TRIM37: variants seen among roughly 807,000 people sequenced by gnomAD.
The protein encoded by TRIM37 is E3 ubiquitin-protein ligase TRIM37.
A neutral mutation model predicts 129.8 loss-of-function variants in TRIM37; 80 were observed. The ratio of observed to expected loss-of-function variants is 0.62; its 90% CI spans 0.51 to 0.74. The LOEUF (loss-of-function observed/expected upper bound fraction) is 0.74. TRIM37 is among the 30% of genes least tolerant of loss of function. The probability of loss-of-function intolerance (pLI) is 0.00; values close to 1 mark genes in which losing one functional copy is unlikely to be tolerated. For synonymous variants in TRIM37, 389 were observed against 387.1 expected (o/e 1.00, Z -0.06); for missense variants, 1,054 against 1,176.5 (o/e 0.90, Z 1.52).
chr17:58,984,196 T>C (rs916741785), intron 24 of TRIM37: 2 of 152,682 alleles, frequency 1.3e-5, no homozygotes, highest in Non-Finnish European at 2.9e-5. Context: ...CCAAGGACAA[T>C]GGCAACAATG....
At chr17:59,011,096 G>C (rs2035199868) in intron 22 of TRIM37, among the ~76,000 whole-genome samples, 1 of 151,794 alleles carries the variant, frequency 6.6e-6, no homozygotes, top group African/African-American at 2.4e-5. Flanking sequence ...TTGAACCCGG[G>C]AGTTGGAGGC....
chr17:58,979,958 A>G (rs758948828), downstream of TRIM37: 2 of 1,599,462 alleles, frequency 1.3e-6, no homozygotes, highest in Non-Finnish European at 8.5e-7. Flanking sequence ...ATGCCCCTAC[A>G]CTCTGCTTCC....
At position 59,032,066 on chromosome 17, in the gene TRIM37, G is replaced by A. The variant is rs968990375; in HGVS notation, c.1778C>T (p.Ser593Phe). 2 of 1,613,640 alleles carry A rather than the reference G, an allele frequency of 1.2e-6. No homozygotes were observed. The highest frequency in any genetic ancestry group is 2.7e-5 in the African/African-American group (2 of 74,826). ...TGTTCTTCTTGATATTCTACTACTG[G>A]AACCCACATAACCATGGCTACTACC... The part of the protein sequence containing the change: ...PAGSSHGYVG[S>F]SSRISRRTHL... Residue 593 changes from serine to phenylalanine, a missense_variant, in exon 18 of 24, where the codon TCC (serine) becomes TTC (phenylalanine). By Grantham distance (155) the Ser-to-Phe change is radical. This residue lies in a region of TRIM37 where 752 missense variants were observed against 870.8 expected (regional missense o/e 0.86). Coordinates refer to ENST00000262294, the MANE Select transcript of TRIM37 (RefSeq NM_015294.6).
intron 18 of TRIM37, 81 bp from the exon 19 acceptor site, chr17:59,028,804 G>T: frequency 6.8e-7 from 1 of 1,469,934 alleles, no homozygotes; most frequent in Middle Eastern, 1.8e-4. Context: ...ATGCAAATTT[G>T]ATGTGTAAAA....
chr17:59,029,562 T>C (rs1294143613), intron 18 of TRIM37, among the ~76,000 whole-genome samples: 1 of 152,060 alleles, frequency 6.6e-6, no homozygotes, highest in Non-Finnish European at 1.5e-5. Flanking sequence ...AAATGTTCAC[T>C]AAATATGTGT....
Position 59,094,595 on chromosome 17 carries a change from T to C in TRIM37, c.124-3255A>G, listed in dbSNP as rs2044686286. On this transcript the variant is annotated intron_variant, in intron 2 of 23. Transcript: ENST00000262294. Reference sequence around the variant, plus strand: ...GAGAGAAGCTGTTAGCAATATATACTAAGTATCTAAGATAATCTTAAAAAA... The same window carrying C: ...GAGAGAAGCTGTTAGCAATATATACCAAGTATCTAAGATAATCTTAAAAAA... Among the ~76,000 whole-genome samples the C allele has an allele frequency of 2.0e-5, 3 of 151,980 alleles. No homozygotes were observed. In the South Asian group the frequency reaches 6.2e-4, roughly 31 times the overall value.
At chr17:59,007,041 T>A (rs2034573394) in intron 22 of TRIM37, among the ~76,000 whole-genome samples, 1 of 152,062 alleles carries the variant, frequency 6.6e-6, no homozygotes, top group South Asian at 2.1e-4. Flanking sequence ...ACTCCCAGAA[T>A]GCTGTTCTGA....
intron 19 of TRIM37, among the ~76,000 whole-genome samples, chr17:59,027,860 G>C (rs2037409726): frequency 6.6e-6 from 1 of 152,038 alleles, no homozygotes; most frequent in Non-Finnish European, 1.5e-5. Flanking sequence ...TGCCATACTG[G>C]TCTTCCTTCA....
intron 21 of TRIM37, among the ~76,000 whole-genome samples, chr17:59,014,942 G>C (rs1893395247): frequency 6.6e-6 from 1 of 151,408 alleles, no homozygotes; most frequent in African/African-American, 2.4e-5. Context: ...TGGGCGTGGT[G>C]GTGGGCGCCT....
rs560166552 is a variant in TRIM37, at chr17:59,001,635, G to C, written c.2775C>G (p.His925Gln). 6.2e-7 allele frequency: 1 copy of C among 1,613,896 alleles called. No homozygotes were observed. The highest frequency in any genetic ancestry group is 1.3e-5 in the African/African-American group (1 of 74,876). ...GCTGTGTCATGACCATGAAGGAGTC[G>C]TGAAACCCGCCCACACTGGTATGCT... Reference protein sequence around the residue: ...QEEHTSVGGFHDSFMVMTQPP... With the variant: ...QEEHTSVGGFQDSFMVMTQPP... Residue 925 changes from histidine to glutamine, a missense_variant, in exon 23 of 24, where the codon CAC (histidine) becomes CAG (glutamine). Coordinates refer to ENST00000262294, the MANE Select transcript of TRIM37 (RefSeq NM_015294.6).
chr17:59,064,352 T>C lies in TRIM37; in HGVS notation c.860+3A>G. The stretch of plus-strand genomic sequence containing the variant: ...AAAAACCAGAATTGTCAAAAACTCT[T>C]ACCTGAAATTCTCTAAAACAAAAGT... On this transcript the variant is annotated splice_donor_region_variant and intron_variant, in intron 10 of 23. Coordinates refer to ENST00000262294, the MANE Select transcript of TRIM37 (RefSeq NM_015294.6). 1.9e-6 allele frequency: 3 copies of C among 1,598,646 alleles called. No homozygotes were observed. Among genetic ancestry groups the C allele is most frequent in the Non-Finnish European group, 2.6e-6 (3 of 1,170,970 alleles).
intron 22 of TRIM37, among the ~76,000 whole-genome samples, chr17:59,002,882 T>G (rs981974220): frequency 6.6e-6 from 1 of 152,098 alleles, no homozygotes; most frequent in Non-Finnish European, 1.5e-5. Flanking sequence ...CTGCATAATG[T>G]TAAAATTTTT....
chr17:59,028,399 G>A lies in TRIM37; in HGVS notation c.2257+16C>T. 1 of 1,607,466 alleles carries A rather than the reference G, an allele frequency of 6.2e-7. No individual in the cohort carries two copies. Among genetic ancestry groups the A allele is most frequent in the Non-Finnish European group, 8.5e-7 (1 of 1,179,372 alleles). ...AATAACGTGTGGAGAAATGACACTG[G>A]GAACATATTACTTACAGTTTCGTAT... is the stretch of plus-strand genomic sequence containing the variant. On this transcript the variant is annotated intron_variant, in intron 19 of 23. Coordinates refer to ENST00000262294, the MANE Select transcript of TRIM37 (RefSeq NM_015294.6).
chr17:58,989,085 A>T (rs935958885), intron 24 of TRIM37, among the ~76,000 whole-genome samples: 7 of 152,234 alleles, frequency 4.6e-5, no homozygotes, highest in African/African-American at 1.7e-4. Flanking sequence ...ATAGAGTCAT[A>T]TGAAAAGCCA....
At chr17:59,046,629 C>T (rs971991522) in intron 16 of TRIM37, among the ~76,000 whole-genome samples, 14 of 151,512 alleles carry the variant, frequency 9.2e-5, no homozygotes, top group African/African-American at 3.4e-4. Context: ...CTCCGCCTCC[C>T]GGGTTCACCC....
At chr17:59,088,428 C>G (rs767828541) in intron 3 of TRIM37, 21 bp from the exon 4 acceptor site, 2 of 1,305,554 alleles carry the variant, frequency 1.5e-6, no homozygotes, top group South Asian at 2.4e-5. Flanking sequence ...AATCCATACA[C>G]ATACACTAAT....
intron 16 of TRIM37, 35 bp downstream of exon 16, chr17:59,047,648 T>C (rs984820787): frequency 6.2e-7 from 1 of 1,600,586 alleles, no homozygotes; most frequent in African/African-American, 1.3e-5. Context: ...TAATTACCAC[T>C]TAAATGCTTT....
At chr17:59,087,044 A>T (rs1241153473) in intron 4 of TRIM37, among the ~76,000 whole-genome samples, 7 of 152,200 alleles carry the variant, frequency 4.6e-5, no homozygotes, top group Admixed American at 4.6e-4. Flanking sequence ...CAATGCTACA[A>T]GTGACAGAAT....
chr17:59,029,672 G>T (rs923991441), intron 18 of TRIM37, among the ~76,000 whole-genome samples: 2 of 152,234 alleles, frequency 1.3e-5, no homozygotes, highest in Admixed American at 6.5e-5. Context: ...GCCGAGGCAG[G>T]TGGATCACTT....
Sources: gnomAD v4.1 joint callset for allele counts (sites outside exome capture counted in the v4.1 genomes callset) on GRCh38, gnomAD v4.1.1 for gene constraint, gnomAD v4.1.1 regional missense constraint, MANE v1.5 for transcripts, NCBI Gene and HGNC (gene_info 2026-07-23, HGNC 2026-07-21) for gene names.